The following SETD2 variants were observed in gnomAD, a reference collection of about 807,000 sequenced individuals.
SETD2 encodes SET domain containing 2, histone lysine methyltransferase, also known as histone-lysine N-methyltransferase SETD2.
Under a neutral mutation model 242.1 loss-of-function variants are expected in SETD2, and 31 were observed. The ratio of observed to expected loss-of-function variants is 0.13; its 90% CI spans 0.10 to 0.17. The LOEUF (loss-of-function observed/expected upper bound fraction) is 0.17, where lower values mean the gene tolerates loss of function less well. SETD2 is among the 10% of genes least tolerant of loss of function. SETD2 has a pLI of 1.00. For missense variants in SETD2, 2,481 were observed against 3,046.3 expected, an observed-to-expected ratio of 0.81 and a Z score of 4.37; for synonymous variants, 1,006 against 1,066.5, an observed-to-expected ratio of 0.94 and a Z score of 1.11.
At chr3:47,026,382 G>A (rs1327704132) in intron 18 of SETD2, among the ~76,000 whole-genome samples, 1 of 152,200 alleles carries the variant, frequency 6.6e-6, no homozygotes, top group East Asian at 1.9e-4. Flanking sequence ...CAACCATTGT[G>A]GAAGACAGTG....
intron 16 of SETD2, among the ~76,000 whole-genome samples, chr3:47,045,779 AT>A (rs199527736): frequency 0.13 from 18,399 of 137,366 alleles, 1,479 homozygotes; most frequent in East Asian, 0.22. Context: ...TCCTAGGAGC[AT>A]TTTTTTTTTT....
chr3:47,158,716 A>AT (rs1043069270), intron 1 of SETD2, among the ~76,000 whole-genome samples: 4 of 152,230 alleles, frequency 2.6e-5, no homozygotes, highest in African/African-American at 9.6e-5. Flanking sequence ...CAAAAGTTAT[A>AT]TGCACATTTT....
At chr3:47,132,616 A>G (rs1048286611) in intron 1 of SETD2, among the ~76,000 whole-genome samples, 1 of 152,252 alleles carries the variant, frequency 6.6e-6, no homozygotes, top group Non-Finnish European at 1.5e-5. Context: ...CAAGGTGGAC[A>G]GCCAAAAGTG....
At chr3:47,131,923 G>A (rs935003900) in intron 1 of SETD2, among the ~76,000 whole-genome samples, 10 of 151,676 alleles carry the variant, frequency 6.6e-5, no homozygotes, top group Admixed American at 4.6e-4. Flanking sequence ...GACTACAGGC[G>A]CGAGCCACCG....
At chr3:47,048,245 C>T (rs1470081125) in intron 15 of SETD2, among the ~76,000 whole-genome samples, 1 of 152,074 alleles carries the variant, frequency 6.6e-6, no homozygotes, top group African/African-American at 2.4e-5. Context: ...AAAAATTAGC[C>T]AGGCATGGTG....
At chr3:47,150,920 TAA>T (rs71098458) in intron 1 of SETD2, among the ~76,000 whole-genome samples, 179 of 138,434 alleles carry the variant, frequency 1.3e-3, no homozygotes, top group Non-Finnish European at 1.3e-3. Context: ...ACCCTATCTT[TAA>T]AAAAAAAAAA....
intron 15 of SETD2, among the ~76,000 whole-genome samples, chr3:47,049,619 G>A (rs866930676): frequency 6.1e-5 from 9 of 146,820 alleles, no homozygotes; most frequent in East Asian, 2.0e-4. Flanking sequence ...TGATCCGCCC[G>A]CCTCAGCCTC....
At chr3:47,146,696 A>G (rs2043864118) in intron 1 of SETD2, among the ~76,000 whole-genome samples, 1 of 152,014 alleles carries the variant, frequency 6.6e-6, no homozygotes, top group African/African-American at 2.4e-5. Context: ...CAGCATTCTA[A>G]GAGGCCAAGG....
intron 15 of SETD2, among the ~76,000 whole-genome samples, chr3:47,054,722 A>G (rs1413142954): frequency 1.3e-5 from 2 of 152,184 alleles, no homozygotes; most frequent in Non-Finnish European, 1.5e-5. Flanking sequence ...ACAGCAAACA[A>G]AAAGCAGAAA....
intron 1 of SETD2, chr3:47,145,619 T>G (rs963721566): frequency 3.2e-6 from 1 of 309,312 alleles, no homozygotes; most frequent in Non-Finnish European, 6.8e-6. Flanking sequence ...TGTGGCATCA[T>G]GTCAGCATTA....
At position 47,062,359 on chromosome 3, in the gene SETD2, G is replaced by T. The variant is rs1476227646; in HGVS notation, c.6110-13C>A. On this transcript the variant is annotated splice_polypyrimidine_tract_variant and intron_variant, in intron 13 of 20. Transcript: ENST00000409792. ...CCTCGTTCAGTTGCTAAGGGAAAAG[G>T]GTGGTTTGTTTGTTTTTTTTTTTTT... is the stretch of plus-strand genomic sequence containing the variant. 1.3e-6 allele frequency: 2 copies of T among 1,531,996 alleles called. No homozygotes were observed. Among genetic ancestry groups the T allele is most frequent in the South Asian group, 1.2e-5 (1 of 81,008 alleles). 94.9% of individuals were successfully genotyped at this position (1,531,996 alleles called of 1,614,324 possible).
intron 12 of SETD2, among the ~76,000 whole-genome samples, chr3:47,074,225 T>A (rs578009374): frequency 6.6e-6 from 1 of 152,236 alleles, no homozygotes; most frequent in East Asian, 1.9e-4. Flanking sequence ...AATTTTATTT[T>A]AAAAAATAAA....
At chr3:47,046,349 A>T (rs1012109591) in intron 16 of SETD2, 138 bp downstream of exon 16, 21 of 720,914 alleles carry the variant, frequency 2.9e-5, no homozygotes, top group Admixed American at 2.7e-4. Flanking sequence ...AAAAAAAATA[A>T]AATAAAATAA....
At chr3:47,125,334 T>C (rs904000219) in intron 2 of SETD2, among the ~76,000 whole-genome samples, 18 of 84,630 alleles carry the variant, frequency 2.1e-4, no homozygotes, top group Non-Finnish European at 3.5e-4. Context: ...AATAAAAAAT[T>C]TAAAAATTAA....
intron 18 of SETD2, among the ~76,000 whole-genome samples, chr3:47,035,066 A>G (rs1486736367): frequency 6.6e-6 from 1 of 151,980 alleles, no homozygotes; most frequent in Non-Finnish European, 1.5e-5. Flanking sequence ...AAATATACTC[A>G]CTCTGGGTGG....
chr3:47,077,246 G>T (rs576592140), intron 12 of SETD2, among the ~76,000 whole-genome samples: 1 of 152,202 alleles, frequency 6.6e-6, no homozygotes, highest in East Asian at 1.9e-4. Flanking sequence ...ATCGTGCCCG[G>T]CTAATTTTTG....
At chr3:47,130,582 T>C (rs924101594) in intron 1 of SETD2, among the ~76,000 whole-genome samples, 1 of 152,080 alleles carries the variant, frequency 6.6e-6, no homozygotes, top group African/African-American at 2.4e-5. Flanking sequence ...CGGTAAATAA[T>C]ATCAAGAGCA....
intron 18 of SETD2, among the ~76,000 whole-genome samples, chr3:47,035,437 A>G (rs1020078325): frequency 6.6e-6 from 1 of 152,234 alleles, no homozygotes; most frequent in Non-Finnish European, 1.5e-5. Context: ...CTAATTGTGT[A>G]GCATGGCACA....
chr3:47,102,330 G>C (rs966888130), intron 7 of SETD2, among the ~76,000 whole-genome samples: 2 of 152,286 alleles, frequency 1.3e-5, no homozygotes, highest in East Asian at 3.9e-4. Context: ...TCCACAGTAG[G>C]TTCTCCTTTT....
Sources: allele counts gnomAD v4.1 joint callset (sites outside exome capture counted in the v4.1 genomes callset), GRCh38; gene constraint gnomAD v4.1.1; transcripts MANE v1.5; gene names NCBI Gene and HGNC (gene_info 2026-07-23, HGNC 2026-07-21).